The following DGLUCY variants were observed in gnomAD, a reference collection of about 807,000 sequenced individuals.
DGLUCY encodes D-glutamate cyclase, also known as D-glutamate cyclase, mitochondrial.
DGLUCY carries 58 observed loss-of-function variants against 58.5 expected under a neutral mutation model. The ratio of observed to expected loss-of-function variants is 0.99; its 90% CI spans 0.80 to 1.23. The LOEUF (loss-of-function observed/expected upper bound fraction) is 1.23, where lower values mean the gene tolerates loss of function less well. Among genes scored for constraint, DGLUCY ranks in the 50% most tolerant of loss-of-function variants. DGLUCY has a pLI of 0.00. For missense variants in DGLUCY, 779 were observed against 784.7 expected (o/e 0.99, Z 0.09); for synonymous variants, 325 against 314.1 (o/e 1.03, Z -0.37).
chr14:91,194,469 GC>G (rs1235157057), intron 9 of DGLUCY, among the ~76,000 whole-genome samples: 2 of 151,944 alleles, frequency 1.3e-5, no homozygotes, highest in Non-Finnish European at 2.9e-5. Flanking sequence ...ATGACTAACA[GC>G]TACTTGCCTT....
At chr14:91,223,587 G>C in intron 13 of DGLUCY, 1 of 1,061,314 alleles carries the variant, frequency 9.4e-7, no homozygotes, top group Non-Finnish European at 1.3e-6. Context: ...AGACACATTA[G>C]TGGCTTGGGC....
intron 10 of DGLUCY, 151 bp downstream of exon 10, chr14:91,196,625 A>G (rs954248876): frequency 1.5e-6 from 1 of 648,796 alleles, no homozygotes. Context: ...CAGACTAACA[A>G]ATGAGGCTGG....
chr14:91,086,934 G>A (rs2044231238), intron 1 of DGLUCY, among the ~76,000 whole-genome samples: 1 of 152,042 alleles, frequency 6.6e-6, no homozygotes, highest in South Asian at 2.1e-4. Context: ...TGTATTTTTG[G>A]TAGAGATGGG....
intron 1 of DGLUCY, among the ~76,000 whole-genome samples, chr14:91,100,651 A>G (rs2044469399): frequency 6.6e-6 from 1 of 152,212 alleles, no homozygotes; most frequent in African/African-American, 2.4e-5. Flanking sequence ...CTGTGGTAAT[A>G]AGGTGTGGTC....
At chr14:91,108,370 C>CACTAGGGTGA (rs2044627028) in intron 1 of DGLUCY, among the ~76,000 whole-genome samples, 1 of 152,006 alleles carries the variant, frequency 6.6e-6, no homozygotes, top group African/African-American at 2.4e-5. Context: ...GCACTAGTTT[C>CACTAGGGTGA]ACCCTAGTTT....
chr14:91,169,535 G>A (rs1183794231), intron 4 of DGLUCY, among the ~76,000 whole-genome samples: 1 of 151,930 alleles, frequency 6.6e-6, no homozygotes, highest in African/African-American at 2.4e-5. Context: ...TCAGCCTCCT[G>A]AGTAGCTGAG....
intron 3 of DGLUCY, among the ~76,000 whole-genome samples, chr14:91,161,367 G>C (rs909914527): frequency 6.6e-6 from 1 of 152,214 alleles, no homozygotes; most frequent in Admixed American, 6.5e-5. Context: ...ACCGCACCAG[G>C]CCCAACAAAG....
At chr14:91,142,887 C>T (rs1032178128) in intron 1 of DGLUCY, among the ~76,000 whole-genome samples, 5 of 138,906 alleles carry the variant, frequency 3.6e-5, no homozygotes, top group African/African-American at 5.3e-5. Flanking sequence ...ACACACTAGC[C>T]GGCGTGGTGG....
chr14:91,107,728 G>C (rs1346518449), upstream of DGLUCY, among the ~76,000 whole-genome samples: 1 of 152,038 alleles, frequency 6.6e-6, no homozygotes, highest in Admixed American at 6.6e-5. Context: ...CAGGGAGATG[G>C]AGAATAGCTA....
chr14:91,184,084 A>T (rs531222408), intron 8 of DGLUCY, among the ~76,000 whole-genome samples: 2 of 151,564 alleles, frequency 1.3e-5, no homozygotes, highest in Admixed American at 6.6e-5. Flanking sequence ...ATGGTGGCCG[A>T]CCTCCGTGGA....
chr14:91,151,136 C>T (rs2047314554), intron 1 of DGLUCY, among the ~76,000 whole-genome samples: 2 of 152,216 alleles, frequency 1.3e-5, no homozygotes, highest in South Asian at 4.1e-4. Context: ...TTGTAGCATG[C>T]ATCAGAATTT....
intron 1 of DGLUCY, among the ~76,000 whole-genome samples, chr14:91,132,313 C>T (rs915679583): frequency 9.2e-5 from 14 of 152,004 alleles, no homozygotes; most frequent in African/African-American, 3.4e-4. Context: ...TCCTATAATT[C>T]CAGCACATTG....
At chr14:91,085,321 G>A (rs1181785908) in intron 1 of DGLUCY, among the ~76,000 whole-genome samples, 1 of 151,344 alleles carries the variant, frequency 6.6e-6, no homozygotes, top group African/African-American at 2.4e-5. Context: ...TGGGTCCTCA[G>A]TCCTGACCTC....
chr14:91,181,429 GA>G, intron 8 of DGLUCY, 40 bp downstream of exon 8: 1 of 1,578,010 alleles, frequency 6.3e-7, no homozygotes, highest in Non-Finnish European at 8.6e-7. Flanking sequence ...ACCCAGGTAA[GA>G]AACAACACAT....
chr14:91,077,611 G>T (rs979848820), intron 1 of DGLUCY, among the ~76,000 whole-genome samples: 1 of 151,962 alleles, frequency 6.6e-6, no homozygotes, highest in African/African-American at 2.4e-5. Context: ...AATTAGCTGG[G>T]TATAGTGGCA....
At chr14:91,164,241 C>G (rs758538640) in intron 3 of DGLUCY, among the ~76,000 whole-genome samples, 1 of 152,112 alleles carries the variant, frequency 6.6e-6, no homozygotes, top group Non-Finnish European at 1.5e-5. Context: ...TGAGCCACCA[C>G]GCCCGGCCCA....
chr14:91,112,041 C>T (rs1198870919), upstream of DGLUCY, among the ~76,000 whole-genome samples: 2 of 151,616 alleles, frequency 1.3e-5, no homozygotes, highest in African/African-American at 2.4e-5. Context: ...AGTTCGAGAC[C>T]AGCCTGACCA....
At chr14:91,146,945 G>A (rs1048918612) in intron 1 of DGLUCY, among the ~76,000 whole-genome samples, 1 of 151,856 alleles carries the variant, frequency 6.6e-6, no homozygotes, top group African/African-American at 2.4e-5. Flanking sequence ...GGAGAGCCCA[G>A]GGACTCTGCT....
intron 1 of DGLUCY, among the ~76,000 whole-genome samples, chr14:91,086,839 C>T (rs1365023044): frequency 6.6e-6 from 1 of 152,154 alleles, no homozygotes; most frequent in Non-Finnish European, 1.5e-5. Context: ...CTGCAACCTC[C>T]ACCTCCGAGG....
Sources: allele counts gnomAD v4.1 joint callset (sites outside exome capture counted in the v4.1 genomes callset), GRCh38; gene constraint gnomAD v4.1.1; transcripts MANE v1.5; gene names NCBI Gene and HGNC (gene_info 2026-07-23, HGNC 2026-07-21).